The following DOCK2 variants were observed in gnomAD, a reference collection of about 807,000 sequenced individuals.
DOCK2 encodes the protein dedicator of cytokinesis protein 2.
In DOCK2, 87 loss-of-function variants were observed where a neutral mutation model predicts 248.9. That is an observed-to-expected ratio of 0.35 (90% confidence interval 0.29 to 0.42). The LOEUF is 0.42. DOCK2 is among the 10% of genes least tolerant of loss of function. The pLI, the probability that DOCK2 is intolerant of heterozygous loss-of-function variation, is 1.00. For missense variants in DOCK2, 1,747 were observed against 2,300.2 expected (o/e 0.76, Z 4.92); for synonymous variants, 805 against 821.6 (o/e 0.98, Z 0.35).
At chr5:170,043,064 G>T (rs961393509) in intron 38 of DOCK2, among the ~76,000 whole-genome samples, 2 of 152,202 alleles carry the variant, frequency 1.3e-5, no homozygotes, top group Non-Finnish European at 2.9e-5. Flanking sequence ...TCAGGAGATT[G>T]GCCAGACCAG....
At position 169,685,797 on chromosome 5, in the gene DOCK2, A is replaced by C. The variant is rs568819418; in HGVS notation, c.761+1447A>C. Among the ~76,000 whole-genome samples the C allele has an allele frequency of 7.2e-4, 109 of 152,304 alleles. 1 individual carries two copies. The highest frequency in any genetic ancestry group is 2.4e-3 in the African/African-American group (101 of 41,558). On this transcript the variant is annotated intron_variant, in intron 8 of 51. Transcript: ENST00000520908. Reference sequence around the variant, plus strand: ...CTCATGGTTCCGTGTCACTAAGATGAGAAAATGAGGCTCAGGGAAGTCAAG... The same window carrying C: ...CTCATGGTTCCGTGTCACTAAGATGCGAAAATGAGGCTCAGGGAAGTCAAG...
Position 170,034,573 on chromosome 5 carries a change from G to T in DOCK2, c.3624+18G>T. 1 of 1,613,492 alleles carries T rather than the reference G, an allele frequency of 6.2e-7. No individual in the cohort carries two copies. ...ACCTGCTGGTGCGTGGGGCTGGCGG[G>T]TCCAAGTCAGACCAGAACCCTGTGG... is the stretch of plus-strand genomic sequence containing the variant. On this transcript the variant is annotated intron_variant, in intron 35 of 51. Transcript: ENST00000520908.
At chr5:169,865,225 C>A (rs1052148342) in intron 27 of DOCK2, among the ~76,000 whole-genome samples, 1 of 152,180 alleles carries the variant, frequency 6.6e-6, no homozygotes, top group Non-Finnish European at 1.5e-5. Context: ...GTTTTGGTGT[C>A]ATTAACATAC....
At chr5:169,939,203 C>CT (rs56040572) in intron 27 of DOCK2, among the ~76,000 whole-genome samples, 33,703 of 143,600 alleles carry the variant, frequency 0.23, 4,011 homozygotes, top group Non-Finnish European at 0.26. Context: ...TGTGCCCGGC[C>CT]TTTTTTTTTT....
At chr5:169,920,189 A>G (rs2113648346) in intron 27 of DOCK2, among the ~76,000 whole-genome samples, 1 of 152,336 alleles carries the variant, frequency 6.6e-6, no homozygotes, top group Admixed American at 6.5e-5. Context: ...CAGGCAGTCC[A>G]TCTTCAGAGA....
chr5:169,794,189 C>T (rs261609), intron 25 of DOCK2, among the ~76,000 whole-genome samples: 1,532 of 152,214 alleles, frequency 0.01, 31 homozygotes, highest in African/African-American at 0.035. Context: ...AGGTTCATCA[C>T]CCCTGGAGTC....
chr5:170,012,112 T>C (rs771072363), intron 32 of DOCK2, among the ~76,000 whole-genome samples: 2 of 152,208 alleles, frequency 1.3e-5, no homozygotes, highest in Non-Finnish European at 2.9e-5. Context: ...AGTGACTGAA[T>C]TGAGGCTAAA....
At chr5:169,974,915 G>C (rs192967958) in intron 27 of DOCK2, among the ~76,000 whole-genome samples, 1 of 152,118 alleles carries the variant, frequency 6.6e-6, no homozygotes, top group East Asian at 1.9e-4. Flanking sequence ...AAAAACTGGG[G>C]TATCCTGAAT....
chr5:170,041,233 A>G, intron 37 of DOCK2, 88 bp downstream of exon 37: 2 of 1,245,328 alleles, frequency 1.6e-6, no homozygotes, highest in Non-Finnish European at 2.3e-6. Flanking sequence ...AAAAAAAAGA[A>G]AAAGAATCCA....
At chr5:169,770,291 T>A in intron 25 of DOCK2, among the ~76,000 whole-genome samples, 1 of 84,466 alleles carries the variant, frequency 1.2e-5, no homozygotes, top group East Asian at 3.5e-4. Flanking sequence ...TTCTTGAGTC[T>A]TTTTTTTTTT....
rs1757761102 is a variant in DOCK2, at chr5:170,073,985, A to ACTGGCACGTACT, written c.4729-1962_4729-1961insCTGGCACGTACT. Among the ~76,000 whole-genome samples the ACTGGCACGTACT allele has an allele frequency of 7.2e-5, 11 of 151,960 alleles. No homozygotes were observed. The South Asian group carries it at 2.1e-3, about 29-fold the overall frequency. On this transcript the variant is annotated intron_variant, in intron 46 of 51. Transcript: ENST00000520908. ...ATTTTCATTCCTTTTCTCCCTTTGA[A>ACTGGCACGTACT]TTTAGTTCGCTGTTCTTTTACTAAT...
At chr5:169,685,925 C>G (rs1472157975) in intron 8 of DOCK2, among the ~76,000 whole-genome samples, 3 of 152,296 alleles carry the variant, frequency 2.0e-5, no homozygotes, top group African/African-American at 7.2e-5. Context: ...AAGTCTGTCA[C>G]CAAGGAATGA....
At chr5:169,738,765 A>C (rs1763168289) in intron 22 of DOCK2, among the ~76,000 whole-genome samples, 1 of 152,202 alleles carries the variant, frequency 6.6e-6, no homozygotes, top group East Asian at 1.9e-4. Context: ...TCAATGGTAA[A>C]TAGTTTACCT....
chr5:169,807,158 T>A (rs938835963), intron 26 of DOCK2, among the ~76,000 whole-genome samples: 1 of 152,016 alleles, frequency 6.6e-6, no homozygotes, highest in Non-Finnish European at 1.5e-5. Context: ...TCTGACTGAA[T>A]TGGTCTGGGG....
At chr5:169,700,337 A>G (rs1760892604) in intron 13 of DOCK2, among the ~76,000 whole-genome samples, 198 bp downstream of exon 13, 1 of 152,228 alleles carries the variant, frequency 6.6e-6, no homozygotes. Context: ...CAAGCATGTA[A>G]ATATAAACAC....
intron 41 of DOCK2, among the ~76,000 whole-genome samples, chr5:170,054,290 T>C (rs1014396173): frequency 6.6e-6 from 1 of 151,974 alleles, no homozygotes; most frequent in African/African-American, 2.4e-5. Flanking sequence ...TTGGGTAGAA[T>C]AGAGGGAGGA....
intron 32 of DOCK2, among the ~76,000 whole-genome samples, chr5:170,013,935 A>C (rs1310889313): frequency 6.6e-6 from 1 of 152,070 alleles, no homozygotes; most frequent in Non-Finnish European, 1.5e-5. Flanking sequence ...GCATTATTTA[A>C]TGACAGTTGC....
intron 25 of DOCK2, among the ~76,000 whole-genome samples, chr5:169,794,878 G>A (rs1004438543): frequency 3.9e-5 from 6 of 152,180 alleles, no homozygotes; most frequent in African/African-American, 9.7e-5. Flanking sequence ...AGCAGAGATC[G>A]CGCCACTGCA....
intron 26 of DOCK2, among the ~76,000 whole-genome samples, chr5:169,822,661 A>G (rs1304751113): frequency 6.6e-6 from 1 of 152,196 alleles, no homozygotes; most frequent in Non-Finnish European, 1.5e-5. Context: ...CCACAAGAGA[A>G]AGCAGGAAAG....
Sources: gnomAD v4.1 joint callset for allele counts (sites outside exome capture counted in the v4.1 genomes callset) on GRCh38, gnomAD v4.1.1 for gene constraint, MANE v1.5 for transcripts, NCBI Gene and HGNC (gene_info 2026-07-23, HGNC 2026-07-21) for gene names.